The following FAM13A variants were observed in gnomAD, a reference collection of about 807,000 sequenced individuals.
FAM13A encodes the protein family with sequence similarity 13 member A.
A neutral mutation model predicts 129.6 loss-of-function variants in FAM13A; 76 were observed. The observed-to-expected ratio is 0.59, with a 90% CI of 0.49 to 0.71. The LOEUF is 0.71. FAM13A is among the 30% of genes least tolerant of loss of function. The pLI, the probability that FAM13A is intolerant of heterozygous loss-of-function variation, is 0.00. For missense variants in FAM13A, 1,108 were observed against 1,249.3 expected (o/e 0.89, Z 1.70); for synonymous variants, 443 against 449.9 (o/e 0.98, Z 0.20).
At chr4:89,036,367 G>T (rs1466088106) in intron 1 of FAM13A, among the ~76,000 whole-genome samples, 1 of 152,162 alleles carries the variant, frequency 6.6e-6, no homozygotes, top group Non-Finnish European at 1.5e-5. Context: ...AGGGTATCAG[G>T]AGGAAGAAGT....
rs192919016 is a variant in FAM13A at position 88,893,588 on chromosome 4, A to C, written c.843+12791T>G. On this transcript the variant is annotated intron_variant, in intron 6 of 23. Transcript: ENST00000264344. The stretch of plus-strand genomic sequence containing the variant: ...CAGTGAGCCGAGATTGTGCCACTGC[A>C]CTCCAGCCTGGGCGACAGAGCCAGA... Among the ~76,000 whole-genome samples, 85 of 148,566 alleles carry C rather than the reference A, an allele frequency of 5.7e-4. No individual in the cohort carries two copies. The East Asian group carries it at 0.016, about 28-fold the overall frequency.
chr4:88,937,816 C>T (rs1157687352), intron 5 of FAM13A: 1 of 485,686 alleles, frequency 2.1e-6, no homozygotes, highest in Non-Finnish European at 3.7e-6. Flanking sequence ...GTGGTGCGGC[C>T]AGTTGATCAG....
intron 4 of FAM13A, among the ~76,000 whole-genome samples, chr4:88,974,833 T>A (rs889159809): frequency 2.6e-5 from 4 of 152,072 alleles, no homozygotes; most frequent in African/African-American, 9.7e-5. Flanking sequence ...GTTAGGTAAG[T>A]TTGAATGAAA....
At chr4:88,782,396 C>G (rs536428125) in intron 10 of FAM13A, among the ~76,000 whole-genome samples, 52 of 151,982 alleles carry the variant, frequency 3.4e-4, no homozygotes, top group African/African-American at 1.2e-3. Flanking sequence ...TCTCCTCCTT[C>G]GTGGTATGAG....
At chr4:88,985,886 G>T (rs750322933) in intron 4 of FAM13A, among the ~76,000 whole-genome samples, 13 of 149,474 alleles carry the variant, frequency 8.7e-5, no homozygotes, top group Admixed American at 2.0e-4. Flanking sequence ...TCTAAGATTT[G>T]CAGATAAAAA....
chr4:88,914,447 T>C (rs1416267118), intron 5 of FAM13A, among the ~76,000 whole-genome samples: 1 of 152,204 alleles, frequency 6.6e-6, no homozygotes, highest in Non-Finnish European at 1.5e-5. Flanking sequence ...CCAGCCACCA[T>C]GGCCTTCTTT....
intron 3 of FAM13A, among the ~76,000 whole-genome samples, chr4:89,008,495 C>T (rs1433790622): frequency 1.3e-5 from 2 of 152,206 alleles, no homozygotes; most frequent in Admixed American, 1.3e-4. Context: ...GCCACCAGAA[C>T]TGTGAGAAAA....
At chr4:88,812,623 C>G (rs1729879171) in intron 7 of FAM13A, among the ~76,000 whole-genome samples, 1 of 152,172 alleles carries the variant, frequency 6.6e-6, no homozygotes, top group Admixed American at 6.6e-5. Flanking sequence ...CTCTAGCACC[C>G]TGGAGAGGGA....
rs1218025719 is a variant in FAM13A at position 89,056,998 on chromosome 4, A to C, written c.-34T>G. 1 of 1,611,060 alleles carries C rather than the reference A, an allele frequency of 6.2e-7. No individual in the cohort carries two copies. Among genetic ancestry groups the C allele is most frequent in the African/African-American group, 1.3e-5 (1 of 74,584 alleles). On this transcript the variant is annotated 5_prime_UTR_variant, in exon 1 of 24. Coordinates refer to ENST00000264344, the MANE Select transcript of FAM13A (RefSeq NM_014883.4). ...AAAGCGTCTGGAAGAACTGAGGAAG[A>C]CCAGACGAAAATATTAAAACGACAG... is the stretch of plus-strand genomic sequence containing the variant.
intron 2 of FAM13A, among the ~76,000 whole-genome samples, chr4:89,022,326 GA>G (rs1767380680): frequency 6.6e-6 from 1 of 151,968 alleles, no homozygotes; most frequent in East Asian, 1.9e-4. Flanking sequence ...TCAATCCTGA[GA>G]AAAAAAATTC....
At position 88,919,864 on chromosome 4, in the gene FAM13A, C is replaced by T. The variant is rs562030761; in HGVS notation, c.760-13402G>A. On this transcript the variant is annotated intron_variant, in intron 5 of 23. Coordinates refer to ENST00000264344, the MANE Select transcript of FAM13A (RefSeq NM_014883.4). ...CCACCCTAATACTGCGCTTTTCCGACGGGCTTAAAAAATGGCGCACCAGGA... is the reference window on the plus strand; with the variant it reads ...CCACCCTAATACTGCGCTTTTCCGATGGGCTTAAAAAATGGCGCACCAGGA... 7.7e-4 allele frequency among the ~76,000 whole-genome samples: 117 copies of T among 151,578 alleles called. 1 individual carries two copies. The South Asian group carries it at 0.019, about 25-fold the overall frequency.
In FAM13A at chr4:89,020,631, C is replaced by T. The variant is rs745527082; in HGVS notation, c.256G>A (p.Val86Met). ...QEGLFRVNGN[V>M]KVVEQLRLKF... is the part of the protein sequence containing the mutation. ...AGTCGAAGTTGTTCCACCACCTTCA[C>T]GTTACCATTCACCCTAAAAAGACCT... Residue 86 changes from valine (V) to methionine (M), a missense_variant, in exon 3 of 24, where the codon GTG (valine) becomes ATG (methionine). Val to Met is a conservative substitution (Grantham distance 21). Coordinates refer to ENST00000264344, the MANE Select transcript of FAM13A (RefSeq NM_014883.4). 7 of 1,613,984 alleles carry T rather than the reference C, an allele frequency of 4.3e-6. No homozygotes were observed. The highest frequency in any genetic ancestry group is 3.3e-5 in the Admixed American group (2 of 59,986).
intron 6 of FAM13A, among the ~76,000 whole-genome samples, chr4:88,871,643 A>G (rs1215528059): frequency 6.6e-6 from 1 of 152,230 alleles, no homozygotes; most frequent in African/African-American, 2.4e-5. Context: ...ATATGAGACT[A>G]TGTGAAAAGA....
intron 7 of FAM13A, among the ~76,000 whole-genome samples, chr4:88,835,793 C>T (rs1193412328): frequency 6.6e-6 from 1 of 152,000 alleles, no homozygotes; most frequent in Non-Finnish European, 1.5e-5. Flanking sequence ...AGCAGTAGTG[C>T]TAGTGATGGG....
At chr4:88,850,786 C>A (rs770261065) in intron 7 of FAM13A, among the ~76,000 whole-genome samples, 3 of 152,208 alleles carry the variant, frequency 2.0e-5, no homozygotes, top group Admixed American at 1.3e-4. Context: ...AACATAACTT[C>A]TGTTGATTAA....
At chr4:88,759,447 C>A (rs1744364493) in intron 13 of FAM13A, 1 of 152,824 alleles carries the variant, frequency 6.5e-6, no homozygotes, top group Middle Eastern at 2.6e-3. Flanking sequence ...TGGTTGTTTT[C>A]TCACTGAGTA....
intron 6 of FAM13A, among the ~76,000 whole-genome samples, chr4:88,873,768 TCCTC>T (rs1304694608): frequency 6.6e-6 from 1 of 152,044 alleles, no homozygotes; most frequent in African/African-American, 2.4e-5. Context: ...AAAGAGGGAA[TCCTC>T]CCTAACTCAT....
At chr4:88,847,912 C>T (rs1326497970) in intron 7 of FAM13A, among the ~76,000 whole-genome samples, 1 of 151,398 alleles carries the variant, frequency 6.6e-6, no homozygotes, top group Non-Finnish European at 1.5e-5. Flanking sequence ...GAGATCGAGC[C>T]ACTGCACTCC....
chr4:88,830,249 T>TA (rs1397021574), intron 7 of FAM13A, among the ~76,000 whole-genome samples: 2 of 152,210 alleles, frequency 1.3e-5, no homozygotes, highest in South Asian at 2.1e-4. Context: ...TATTCCTCTT[T>TA]AAAAAACTAA....
Sources: gnomAD v4.1 joint callset for allele counts (sites outside exome capture counted in the v4.1 genomes callset) on GRCh38, gnomAD v4.1.1 for gene constraint, MANE v1.5 for transcripts, NCBI Gene and HGNC (gene_info 2026-07-23, HGNC 2026-07-21) for gene names.